SYT9: variants seen among roughly 807,000 people sequenced by gnomAD.
SYT9 encodes synaptotagmin-9.
A neutral mutation model predicts 48.4 loss-of-function variants in SYT9; 22 were observed. That is an observed-to-expected ratio of 0.45 (90% CI 0.32 to 0.65). SYT9 has a LOEUF of 0.65. SYT9 is among the 30% of genes least tolerant of loss of function. The pLI, the probability that SYT9 is intolerant of heterozygous loss-of-function variation, is 0.03. For missense variants in SYT9, 577 were observed against 622.0 expected (o/e 0.93, Z 0.77); for synonymous variants, 265 against 245.0 (o/e 1.08, Z -0.76).
At chr11:7,299,472 A>C (rs1366805985) in intron 1 of SYT9, among the ~76,000 whole-genome samples, 1 of 152,198 alleles carries the variant, frequency 6.6e-6, no homozygotes, top group Non-Finnish European at 1.5e-5. Context: ...GCTAACTCAC[A>C]CAGCACCTTT....
At chr11:7,405,629 A>G (rs946098385) in intron 3 of SYT9, among the ~76,000 whole-genome samples, 13 of 152,224 alleles carry the variant, frequency 8.5e-5, no homozygotes, top group African/African-American at 2.9e-4. Flanking sequence ...AACAAATGCT[A>G]AAAGAATAGG....
chr11:7,314,038 T>C, intron 3 of SYT9, 97 bp downstream of exon 3: 1 of 1,386,678 alleles, frequency 7.2e-7, no homozygotes, highest in Non-Finnish European at 9.9e-7. Context: ...AGTGTAAAAT[T>C]CCTGTCAATG....
chr11:7,444,581 A>G (rs1253724301), intron 6 of SYT9: 2 of 152,168 alleles, frequency 1.3e-5, no homozygotes, highest in Admixed American at 6.5e-5. Context: ...TTCTGTGAAT[A>G]TATAATTTTG....
At position 7,407,155 on chromosome 11, in the gene SYT9, C is replaced by T. The variant is rs1205967499; in HGVS notation, c.1045-8887C>T. Among the ~76,000 whole-genome samples, 4 of 152,180 alleles carry T rather than the reference C, an allele frequency of 2.6e-5. No homozygotes were observed. In the Middle Eastern group the frequency reaches 0.01, roughly 388 times the overall value. On this transcript the variant is annotated intron_variant, in intron 3 of 6. Transcript: ENST00000318881. ...ATTTTCTCATTCAACACATTTTCTC[C>T]TCACTCTGTTGATTGTTTCCTTTGC...
intron 6 of SYT9, among the ~76,000 whole-genome samples, chr11:7,462,976 G>T (rs1848261020): frequency 6.6e-6 from 1 of 152,218 alleles, no homozygotes; most frequent in Admixed American, 6.5e-5. Context: ...CATTAGGACA[G>T]TTCTCATCTT....
intron 3 of SYT9, among the ~76,000 whole-genome samples, chr11:7,349,368 A>G (rs1467083009): frequency 8.6e-6 from 1 of 116,676 alleles, no homozygotes; most frequent in African/African-American, 3.2e-5. Context: ...TTTTACCACA[A>G]TAAAAAATAT....
Position 7,467,013 on chromosome 11 carries a change from T to C in SYT9, c.*213T>C. ...CTGCAGGTGGCCCAAGGTGATGTGC[T>C]GCAGGGAAGCATGTCTCTCATGCCA... On this transcript the variant is annotated 3_prime_UTR_variant, in exon 7 of 7. Transcript: ENST00000318881. 5.2e-6 allele frequency: 3 copies of C among 581,558 alleles called. No individual in the cohort carries two copies. Among genetic ancestry groups the C allele is most frequent in the Non-Finnish European group, 9.4e-6 (3 of 320,778 alleles). The allele number at this position is 581,558 out of a possible 1,614,324, so 36.0% of individuals were successfully genotyped here.
intron 3 of SYT9, among the ~76,000 whole-genome samples, chr11:7,389,325 C>G (rs370600850): frequency 2.6e-5 from 4 of 152,240 alleles, no homozygotes; most frequent in African/African-American, 7.2e-5. Context: ...GTATTAATTT[C>G]TTGCCCACCT....
At position 7,466,919 on chromosome 11, in the gene SYT9, T is replaced by C. The variant is rs532392237; in HGVS notation, c.*119T>C. 4.7e-6 allele frequency: 6 copies of C among 1,274,872 alleles called. No homozygotes were observed. The highest frequency in any genetic ancestry group is 3.8e-5 in the South Asian group (3 of 78,452). 79.0% of individuals were successfully genotyped at this position (1,274,872 alleles called of 1,614,324 possible). On this transcript the variant is annotated 3_prime_UTR_variant, in exon 7 of 7. Transcript: ENST00000318881. ...CGATTTCAGTGACCAAATGCTCAGC[T>C]GTAACCACAGCACTAACTGGCCTTC...
At chr11:7,453,045 G>A (rs1848086872) in intron 6 of SYT9, among the ~76,000 whole-genome samples, 1 of 151,894 alleles carries the variant, frequency 6.6e-6, no homozygotes, top group African/African-American at 2.4e-5. Context: ...GCCTCCCAAA[G>A]TGCTGGGATT....
chr11:7,441,332 A>C (rs755457879), intron 6 of SYT9: 5 of 152,220 alleles, frequency 3.3e-5, no homozygotes, highest in Non-Finnish European at 5.9e-5. Flanking sequence ...GTGGTGAGGG[A>C]GAAACCCACT....
intron 2 of SYT9, among the ~76,000 whole-genome samples, chr11:7,310,444 ATT>A (rs34469345): frequency 0.36 from 40,712 of 114,504 alleles, 6,421 homozygotes; most frequent in East Asian, 0.83. Flanking sequence ...CATAACTGTG[ATT>A]TTTTTTTTTT....
At chr11:7,250,162 A>T (rs1185059548), upstream of SYT9, among the ~76,000 whole-genome samples, 2 of 152,138 alleles carry the variant, frequency 1.3e-5, no homozygotes, top group East Asian at 3.8e-4. Flanking sequence ...AGCACATATG[A>T]CCCAGGTAAC....
chr11:7,416,235 G>A lies in SYT9; in HGVS notation c.1165+73G>A. On this transcript the variant is annotated intron_variant, in intron 4 of 6. Coordinates refer to ENST00000318881, the MANE Select transcript of SYT9 (RefSeq NM_175733.4). The stretch of plus-strand genomic sequence containing the variant: ...AAGTACCTTATAAAGTTTTAGTATG[G>A]TAATAAAGCACATTGACTCTGGAAC... The A allele has an allele frequency of 2.5e-6, 4 of 1,569,760 alleles. No homozygotes were observed. The South Asian group carries it at 4.5e-5, about 18-fold the overall frequency.
chr11:7,462,989 G>C (rs1047519764), intron 6 of SYT9, among the ~76,000 whole-genome samples: 9 of 152,150 alleles, frequency 5.9e-5, no homozygotes, highest in African/African-American at 2.2e-4. Flanking sequence ...CTCATCTTTG[G>C]TTTCAATTCA....
chr11:7,347,916 A>T (rs980970594), intron 3 of SYT9, among the ~76,000 whole-genome samples: 2 of 151,942 alleles, frequency 1.3e-5, no homozygotes, highest in Non-Finnish European at 2.9e-5. Flanking sequence ...CAGAAGGCTA[A>T]GTCTGTGGCA....
chr11:7,407,265 T>G (rs1590004054), intron 3 of SYT9, among the ~76,000 whole-genome samples: 1 of 152,036 alleles, frequency 6.6e-6, no homozygotes, highest in African/African-American at 2.4e-5. Flanking sequence ...CAGGCAGGCC[T>G]TAGCCATGAA....
chr11:7,241,796 A>G (rs1847743177), intron 1 of SYT9, among the ~76,000 whole-genome samples: 1 of 152,236 alleles, frequency 6.6e-6, no homozygotes, highest in Non-Finnish European at 1.5e-5. Flanking sequence ...GGGGATCGTA[A>G]GAGTCTGAAA....
chr11:7,468,477 C>G lies in SYT9; in HGVS notation c.*1677C>G. Reference sequence around the variant, plus strand: ...GATGACATAAGGAAAACTTGGCTTCCTCTGCTCAAGGTTCCCCTCTGCTCA... The same window carrying G: ...GATGACATAAGGAAAACTTGGCTTCGTCTGCTCAAGGTTCCCCTCTGCTCA... On this transcript the variant is annotated 3_prime_UTR_variant, in exon 7 of 7. Coordinates refer to ENST00000318881, the MANE Select transcript of SYT9 (RefSeq NM_175733.4). 2.5e-6 allele frequency: 1 copy of G among 395,682 alleles called. No individual in the cohort carries two copies. Among genetic ancestry groups the G allele is most frequent in the Non-Finnish European group, 4.5e-6 (1 of 224,600 alleles). The allele number at this position is 395,682 out of a possible 1,614,324, so 24.5% of individuals were successfully genotyped here.
Sources: gnomAD v4.1 joint callset for allele counts (sites outside exome capture counted in the v4.1 genomes callset) on GRCh38, gnomAD v4.1.1 for gene constraint, MANE v1.5 for transcripts, NCBI Gene and HGNC (gene_info 2026-07-23, HGNC 2026-07-21) for gene names.